ARMH4: variants seen among roughly 807,000 people sequenced by gnomAD.
ARMH4 encodes armadillo like helical domain containing 4.
ARMH4 carries 49 observed loss-of-function variants against 61.9 expected under a neutral mutation model. The observed-to-expected ratio is 0.79, with a 90% CI of 0.63 to 1.00. ARMH4 has a LOEUF of 1.00. Among genes scored for constraint, ARMH4 ranks in the 50% least tolerant of loss-of-function variants. The pLI is 0.00. For missense variants in ARMH4, 934 were observed against 930.0 expected (o/e 1.00, Z -0.06); for synonymous variants, 368 against 341.5 (o/e 1.08, Z -0.85).
intron 6 of ARMH4, 57 bp downstream of exon 6, chr14:58,012,062 C>T: frequency 1.6e-6 from 2 of 1,225,228 alleles, no homozygotes; most frequent in Non-Finnish European, 2.3e-6. Context: ...AGATCTTTTG[C>T]TTAATAAAGC....
intron 5 of ARMH4, among the ~76,000 whole-genome samples, chr14:58,053,767 C>G (rs1042096516): frequency 6.6e-6 from 1 of 152,240 alleles, no homozygotes; most frequent in Admixed American, 6.5e-5. Flanking sequence ...TGATCCTCAC[C>G]TAAGGATCCT....
chr14:58,038,420 G>GA (rs1883559707), intron 5 of ARMH4, among the ~76,000 whole-genome samples: 1 of 107,314 alleles, frequency 9.3e-6, no homozygotes, highest in African/African-American at 3.6e-5. Flanking sequence ...GGGGAGGGGG[G>GA]AGGGATAGCA....
In ARMH4 at chr14:58,139,294, G is replaced by T. The variant is rs773993840; in HGVS notation, c.65C>A (p.Ala22Asp). 1 of 1,614,148 alleles carries T rather than the reference G, an allele frequency of 6.2e-7. No individual in the cohort carries two copies. Among genetic ancestry groups the T allele is most frequent in the East Asian group, 2.2e-5 (1 of 44,886 alleles). Residue 22 changes from alanine to aspartate, a missense_variant, in exon 2 of 8, where the codon GCC (alanine) becomes GAC (aspartate). By Grantham distance (126) the Ala-to-Asp change is moderately radical (BLOSUM62 -2). Transcript: ENST00000267485. ...TTTGGGGAAGGCCAGACATTGTGTG[G>T]CAACGCTGAAAAGCAGAAGGCTACA... The part of the protein sequence containing the change: ...AFCSLLLFSV[A>D]TQCLAFPKIE...
intron 2 of ARMH4, among the ~76,000 whole-genome samples, chr14:58,134,521 T>C (rs1336908163): frequency 6.6e-6 from 1 of 151,894 alleles, no homozygotes; most frequent in Non-Finnish European, 1.5e-5. Context: ...ACAGAGCAAC[T>C]ACTAAAAACT....
chr14:58,074,940 A>C (rs1884997674), intron 5 of ARMH4, among the ~76,000 whole-genome samples: 1 of 152,180 alleles, frequency 6.6e-6, no homozygotes, highest in Non-Finnish European at 1.5e-5. Flanking sequence ...AAATTATGAG[A>C]GGGATGTGGC....
Position 58,072,693 on chromosome 14 carries a change from G to C in ARMH4, c.2089+24031C>G, listed in dbSNP as rs1884921771. On this transcript the variant is annotated intron_variant, in intron 5 of 7. Coordinates refer to ENST00000267485, the MANE Select transcript of ARMH4 (RefSeq NM_001001872.4). ...GCCGAGATCGCACCACTGCATTCTA[G>C]CCTGCGCAACAGAGTGAGACTCCAT... Among the ~76,000 whole-genome samples the C allele has an allele frequency of 2.6e-5, 4 of 151,908 alleles. No homozygotes were observed. The South Asian group carries it at 8.3e-4, about 32-fold the overall frequency.
chr14:58,078,254 C>T (rs528145987), intron 5 of ARMH4, among the ~76,000 whole-genome samples: 1 of 152,312 alleles, frequency 6.6e-6, no homozygotes, highest in South Asian at 2.1e-4. Context: ...ACTGCATGGG[C>T]CCTGCACTAG....
chr14:58,082,884 C>T (rs1450748392), intron 5 of ARMH4, among the ~76,000 whole-genome samples: 1 of 152,164 alleles, frequency 6.6e-6, no homozygotes, highest in Non-Finnish European at 1.5e-5. Flanking sequence ...CCCTGCCCCT[C>T]CTCCATCCAG....
intron 5 of ARMH4, among the ~76,000 whole-genome samples, chr14:58,043,305 C>T (rs1484595890): frequency 6.6e-6 from 1 of 151,892 alleles, no homozygotes; most frequent in Non-Finnish European, 1.5e-5. Flanking sequence ...TCAACAGATG[C>T]AAATCAATAA....
At chr14:58,070,242 T>C (rs995408692) in intron 5 of ARMH4, among the ~76,000 whole-genome samples, 1 of 152,190 alleles carries the variant, frequency 6.6e-6, no homozygotes, top group African/African-American at 2.4e-5. Context: ...CCAGATCGCA[T>C]GCAGGTGGCA....
At chr14:58,105,045 C>T (rs926216874) in intron 4 of ARMH4, among the ~76,000 whole-genome samples, 4 of 152,124 alleles carry the variant, frequency 2.6e-5, no homozygotes, top group Non-Finnish European at 5.9e-5. Flanking sequence ...ATCTGTATTT[C>T]GGCCAATCTT....
intron 4 of ARMH4, among the ~76,000 whole-genome samples, chr14:58,111,435 A>G (rs1443284513): frequency 6.6e-6 from 1 of 152,240 alleles, no homozygotes; most frequent in East Asian, 1.9e-4. Context: ...CAAACTAAGA[A>G]GGGACAACTT....
intron 5 of ARMH4, among the ~76,000 whole-genome samples, chr14:58,025,054 C>T (rs34065369): frequency 0.011 from 1,722 of 152,212 alleles, 31 homozygotes; most frequent in East Asian, 0.081. Context: ...TGATCCCATG[C>T]TATAGGGAAA....
At chr14:58,149,583 C>T (rs879356470) in intron 1 of ARMH4, among the ~76,000 whole-genome samples, 3 of 152,198 alleles carry the variant, frequency 2.0e-5, no homozygotes, top group Non-Finnish European at 4.4e-5. Context: ...GAGCTTCAGT[C>T]TCTACAAATT....
chr14:58,131,400 TC>T, intron 4 of ARMH4, 111 bp downstream of exon 4: 2 of 842,606 alleles, frequency 2.4e-6, no homozygotes, highest in Admixed American at 2.5e-5. Flanking sequence ...TTTACTGTCC[TC>T]TGATCTATAC....
intron 4 of ARMH4, among the ~76,000 whole-genome samples, chr14:58,104,408 T>C (rs767155106): frequency 5.9e-5 from 9 of 152,340 alleles, no homozygotes; most frequent in Middle Eastern, 3.4e-3. Context: ...ATCATAGAGC[T>C]AGCCTGAGAA....
intron 5 of ARMH4, among the ~76,000 whole-genome samples, chr14:58,040,600 T>C (rs1883657860): frequency 6.6e-6 from 1 of 152,216 alleles, no homozygotes; most frequent in Admixed American, 6.5e-5. Flanking sequence ...GTCTTTCCTA[T>C]TGTGAATAGT....
intron 5 of ARMH4, among the ~76,000 whole-genome samples, chr14:58,012,776 C>T (rs1882454937): frequency 6.6e-6 from 1 of 152,124 alleles, no homozygotes; most frequent in Non-Finnish European, 1.5e-5. Flanking sequence ...ATTCACAAAG[C>T]CAACTGAAAA....
chr14:58,115,134 C>A (rs1352169368), intron 4 of ARMH4, among the ~76,000 whole-genome samples: 1 of 152,002 alleles, frequency 6.6e-6, no homozygotes, highest in African/African-American at 2.4e-5. Flanking sequence ...GCAAAAGAAA[C>A]TATCAAGGGG....
Sources: gnomAD v4.1 joint callset for allele counts (sites outside exome capture counted in the v4.1 genomes callset) on GRCh38, gnomAD v4.1.1 for gene constraint, MANE v1.5 for transcripts, NCBI Gene and HGNC (gene_info 2026-07-23, HGNC 2026-07-21) for gene names.